Variants in DCAF5 observed in about 807,000 individuals in gnomAD.
DCAF5 encodes DDB1 and CUL4 associated factor 5.
DCAF5 carries 9 observed loss-of-function variants against 80.7 expected under a neutral mutation model. The ratio of observed to expected loss-of-function variants is 0.11; its 90% CI spans 0.07 to 0.19. The LOEUF (loss-of-function observed/expected upper bound fraction) is 0.19, where lower values mean the gene tolerates loss of function less well. Among genes scored for constraint, DCAF5 ranks in the 10% least tolerant of loss-of-function variants. The pLI is 1.00. For synonymous variants in DCAF5, 433 were observed against 461.9 expected (o/e 0.94, Z 0.80); for missense variants, 842 against 1,205.7 (o/e 0.70, Z 4.47).
rs1199893721 is a variant in DCAF5 at position 69,123,246 on chromosome 14, T to C, written c.215-886A>G. 2.6e-5 allele frequency among the ~76,000 whole-genome samples: 4 copies of C among 152,232 alleles called. No individual in the cohort carries two copies. The East Asian group carries it at 7.7e-4, about 29-fold the overall frequency. ...AGGTATAAAACAGTATGTAATCCAT[T>C]TGCATAAAACAAAATTTTTAAAAGC... On this transcript the variant is annotated intron_variant, in intron 1 of 8. Coordinates refer to ENST00000341516, the MANE Select transcript of DCAF5 (RefSeq NM_003861.3).
chr14:69,141,139 TAAAAAAAAAAAAAAA>T (rs11396838), intron 1 of DCAF5, among the ~76,000 whole-genome samples: 3 of 59,380 alleles, frequency 5.1e-5, no homozygotes, highest in African/African-American at 1.1e-4. Context: ...ATCTCAAATT[TAAAAAAAAAAAAAAA>T]AAAAAAAAAA....
intron 5 of DCAF5, among the ~76,000 whole-genome samples, chr14:69,104,722 C>T (rs1352949725): frequency 6.6e-6 from 1 of 151,868 alleles, no homozygotes; most frequent in African/African-American, 2.4e-5. Context: ...CCGAGTGTAG[C>T]AGCGGGCGCC....
At chr14:69,141,085 G>A in intron 1 of DCAF5, among the ~76,000 whole-genome samples, 1 of 137,100 alleles carries the variant, frequency 7.3e-6, no homozygotes, top group East Asian at 2.2e-4. Flanking sequence ...AGTGAGCTGA[G>A]ATCACGCCAC....
In DCAF5 at chr14:69,153,044, T is replaced by TC. The variant is rs1566798806; in HGVS notation, c.-67dup. The TC allele has an allele frequency of 5.5e-6, 7 of 1,262,604 alleles. No homozygotes were observed. Among genetic ancestry groups the TC allele is most frequent in the Admixed American group, 7.6e-5 (2 of 26,326 alleles). 78.2% of individuals were successfully genotyped at this position (1,262,604 alleles called of 1,614,324 possible). A position where few individuals can be genotyped will look rare whatever the true frequency, so the allele number is the denominator to read the frequency against. The stretch of plus-strand genomic sequence containing the variant: ...CCTCGGCCTCACGCGCGGCCGCTGC[T>TC]CCCCCCACCCGGCCCTCCCCCCGCG... On this transcript the variant is annotated 5_prime_UTR_variant, in exon 1 of 9. Transcript: ENST00000341516.
At chr14:69,093,871 C>G (rs565730439) in intron 5 of DCAF5, among the ~76,000 whole-genome samples, 7 of 152,266 alleles carry the variant, frequency 4.6e-5, no homozygotes, top group Admixed American at 1.3e-4. Context: ...CCTGCAGGCC[C>G]CAAGTAGTAA....
chr14:69,144,302 G>A lies in DCAF5; in HGVS notation c.214+8463C>T, dbSNP rs187750038. Reference sequence around the variant, plus strand: ...TTAAAGGGGCACAAGGCCAGGCGCGGTGGCTCACGCCTGTAATCACAGCAC... The same window carrying A: ...TTAAAGGGGCACAAGGCCAGGCGCGATGGCTCACGCCTGTAATCACAGCAC... On this transcript the variant is annotated intron_variant, in intron 1 of 8. Transcript: ENST00000341516. Among the ~76,000 whole-genome samples the A allele has an allele frequency of 6.0e-3, 914 of 151,870 alleles. 23 individuals carry two copies. The highest frequency in any genetic ancestry group is 0.047 in the Admixed American group (714 of 15,258).
chr14:69,091,787 G>A lies in DCAF5; in HGVS notation c.766C>T (p.Pro256Ser), dbSNP rs948493360. ...TQLLALRRRL[P>S]PVLYDIHSRL... Reference sequence around the variant, plus strand: ...GAATGGATGTCATAGAGCACAGGGGGCAGGCGTCGCCTCAGGGCCAGGAGC... The same window carrying A: ...GAATGGATGTCATAGAGCACAGGGGACAGGCGTCGCCTCAGGGCCAGGAGC... Residue 256 changes from proline (P) to serine (S), a missense_variant, in exon 6 of 9, where the codon CCC (proline) becomes TCC (serine). Transcript: ENST00000341516. 6.2e-7 allele frequency: 1 copy of A among 1,614,162 alleles called. No individual in the cohort carries two copies. The highest frequency in any genetic ancestry group is 8.5e-7 in the Non-Finnish European group (1 of 1,180,008).
At chr14:69,127,726 A>C (rs1465632979) in intron 1 of DCAF5, among the ~76,000 whole-genome samples, 2 of 152,182 alleles carry the variant, frequency 1.3e-5, no homozygotes, top group South Asian at 4.1e-4. Flanking sequence ...ACAATGAAGG[A>C]GGCTATGCAG....
At chr14:69,151,538 A>G (rs930194244) in intron 1 of DCAF5, among the ~76,000 whole-genome samples, 1 of 152,086 alleles carries the variant, frequency 6.6e-6, no homozygotes, top group African/African-American at 2.4e-5. Context: ...CTCCCAATAT[A>G]GGAAAAGGGA....
intron 5 of DCAF5, among the ~76,000 whole-genome samples, chr14:69,096,521 C>T (rs1242645638): frequency 1.3e-5 from 2 of 152,148 alleles, no homozygotes; most frequent in East Asian, 1.9e-4. Flanking sequence ...ATATCCAGCC[C>T]TTTCATGAAG....
At chr14:69,136,564 T>G (rs1315713838) in intron 1 of DCAF5, among the ~76,000 whole-genome samples, 2 of 152,092 alleles carry the variant, frequency 1.3e-5, no homozygotes, top group Non-Finnish European at 2.9e-5. Flanking sequence ...AAATATACTG[T>G]TTTTACTATT....
chr14:69,086,261 G>T (rs1187822341), intron 6 of DCAF5, among the ~76,000 whole-genome samples: 1 of 152,156 alleles, frequency 6.6e-6, no homozygotes, highest in East Asian at 1.9e-4. Context: ...CGGAGGCTGT[G>T]GCACGAGAAT....
At chr14:69,106,909 G>T (rs556209454) in intron 5 of DCAF5, among the ~76,000 whole-genome samples, 115 of 152,138 alleles carry the variant, frequency 7.6e-4, no homozygotes, top group African/African-American at 2.7e-3. Context: ...GGGCATGGTG[G>T]CACATGCCTG....
intron 6 of DCAF5, among the ~76,000 whole-genome samples, chr14:69,078,760 G>T (rs2038989994): frequency 1.3e-5 from 2 of 152,240 alleles, no homozygotes; most frequent in African/African-American, 4.8e-5. Flanking sequence ...GGGAAATGGG[G>T]AGTTGATGTT....
intron 1 of DCAF5, among the ~76,000 whole-genome samples, chr14:69,130,596 C>A (rs2041012307): frequency 6.6e-6 from 1 of 151,994 alleles, no homozygotes; most frequent in Admixed American, 6.6e-5. Flanking sequence ...ATACATTTCA[C>A]AATAAAAAAT....
At chr14:69,056,710 G>C (rs970504181) in intron 8 of DCAF5, among the ~76,000 whole-genome samples, 1 of 152,062 alleles carries the variant, frequency 6.6e-6, no homozygotes, top group Non-Finnish European at 1.5e-5. Flanking sequence ...CCAAGACTTC[G>C]TTTCCCCAAA....
rs867758407 is a variant in DCAF5 at position 69,098,979 on chromosome 14, G to A, written c.666-7092C>T. The stretch of plus-strand genomic sequence containing the variant: ...TTAAAACAAAACTAACAGGCCTGGC[G>A]CAGTGGCTCACACCTGTAATCCCAG... On this transcript the variant is annotated intron_variant, in intron 5 of 8. Coordinates refer to ENST00000341516, the MANE Select transcript of DCAF5 (RefSeq NM_003861.3). Among the ~76,000 whole-genome samples, 10 of 147,960 alleles carry A rather than the reference G, an allele frequency of 6.8e-5. No individual in the cohort carries two copies. In the South Asian group the frequency reaches 8.7e-4, roughly 13 times the overall value.
chr14:69,111,500 T>C (rs1302213435), intron 5 of DCAF5, among the ~76,000 whole-genome samples: 1 of 152,164 alleles, frequency 6.6e-6, no homozygotes, highest in East Asian at 1.9e-4. Flanking sequence ...TTATCTGTCA[T>C]AGAACTAACA....
Position 69,054,286 on chromosome 14 carries a change from T to C in DCAF5, c.2400A>G (p.Ala800=). The C allele has an allele frequency of 1.2e-6, 2 of 1,614,234 alleles. No homozygotes were observed. Among genetic ancestry groups the C allele is most frequent in the Non-Finnish European group, 8.5e-7 (1 of 1,180,040 alleles). The change falls in exon 9 of 9, where the codon GCA becomes GCG. Residue 800 remains alanine (A), a synonymous_variant. Coordinates refer to ENST00000341516, the MANE Select transcript of DCAF5 (RefSeq NM_003861.3). ...ACCCGCTGTTGAGAGTGGAGCCAGA[T>C]GCCTTGGGGACAGGAGGAGAAGGCG... ...EEPPSPPVPK[A]SGSTLNSGSG... is the part of the protein sequence containing the mutation.
Sources: allele counts gnomAD v4.1 joint callset (sites outside exome capture counted in the v4.1 genomes callset), GRCh38; gene constraint gnomAD v4.1.1; transcripts MANE v1.5; gene names NCBI Gene and HGNC (gene_info 2026-07-23, HGNC 2026-07-21).